SYT12: variants seen among roughly 807,000 people sequenced by gnomAD.
SYT12 encodes the protein synaptotagmin-12.
A neutral mutation model predicts 39.5 loss-of-function variants in SYT12; 27 were observed. The observed-to-expected ratio is 0.68, with a 90% CI of 0.50 to 0.94. The LOEUF is 0.94. SYT12 is among the 40% of genes least tolerant of loss of function. The probability of loss-of-function intolerance (pLI) is 0.00; values close to 1 mark genes in which losing one functional copy is unlikely to be tolerated. For synonymous variants in SYT12, 233 were observed against 239.7 expected, an observed-to-expected ratio of 0.97 and a Z score of 0.26; for missense variants, 536 against 572.6, an observed-to-expected ratio of 0.94 and a Z score of 0.65.
At chr11:67,016,621 G>A (rs186550783) in intron 3 of SYT12, among the ~76,000 whole-genome samples, 1 of 152,314 alleles carries the variant, frequency 6.6e-6, no homozygotes, top group Admixed American at 6.5e-5. Context: ...AGGTGGTCTT[G>A]TTCTGAAACC....
chr11:67,031,622 C>A (rs1950269287), intron 2 of SYT12: 3 of 152,256 alleles, frequency 2.0e-5, no homozygotes, highest in Admixed American at 1.3e-4. Flanking sequence ...CTAGACCCCA[C>A]TTCCAATATC....
At chr11:67,045,635 C>G (rs1384143339) in intron 6 of SYT12, 109 bp from the exon 7 acceptor site, 1 of 1,455,254 alleles carries the variant, frequency 6.9e-7, no homozygotes, top group South Asian at 1.3e-5. Context: ...CAGGAGGTCA[C>G]AGCAACAGTT....
At chr11:67,047,519 C>T (rs1854595951) in intron 7 of SYT12, among the ~76,000 whole-genome samples, 3 of 151,302 alleles carry the variant, frequency 2.0e-5, no homozygotes, top group South Asian at 2.1e-4. Context: ...CTGCCTGCCT[C>T]GGCCTCCCAA....
intron 3 of SYT12, among the ~76,000 whole-genome samples, chr11:67,036,672 A>G (rs767062901): frequency 2.2e-4 from 34 of 152,176 alleles, no homozygotes; most frequent in Non-Finnish European, 3.5e-4. Context: ...GTGGTGGCTC[A>G]CGCCCGTAAT....
At chr11:67,020,306 G>A (rs143965504), upstream of SYT12, among the ~76,000 whole-genome samples, 12 of 152,312 alleles carry the variant, frequency 7.9e-5, no homozygotes, top group East Asian at 2.3e-3. Context: ...AGAAGGCCCA[G>A]GAGGCAGGAG....
intron 2 of SYT12, among the ~76,000 whole-genome samples, chr11:67,034,103 A>G (rs936481365): frequency 1.9e-4 from 29 of 152,164 alleles, no homozygotes; most frequent in African/African-American, 7.0e-4. Flanking sequence ...TAAAGTGTAC[A>G]ATTTAATGGT....
intron 6 of SYT12, 22 bp downstream of exon 6, chr11:67,044,735 G>A (rs752880668): frequency 9.9e-6 from 16 of 1,612,878 alleles, no homozygotes; most frequent in Middle Eastern, 1.6e-4. Context: ...CCGGCAGCCC[G>A]GCTCCTCCAC....
At chr11:67,048,487 C>T in intron 7 of SYT12, 97 bp from the exon 8 acceptor site, 2 of 1,365,384 alleles carry the variant, frequency 1.5e-6, no homozygotes, top group Non-Finnish European at 2.0e-6. Flanking sequence ...GTGCCTGGCA[C>T]CCCACTGGGG....
intron 3 of SYT12, among the ~76,000 whole-genome samples, chr11:67,011,293 A>C (rs1950011543): frequency 6.6e-6 from 1 of 152,156 alleles, no homozygotes; most frequent in South Asian, 2.1e-4. Flanking sequence ...CCCAGGTTGG[A>C]ATGCAATGGC....
At position 67,048,764 on chromosome 11, in the gene SYT12, G is replaced by C. The variant is rs764615825; in HGVS notation, c.*7G>C. 1 of 1,588,944 alleles carries C rather than the reference G, an allele frequency of 6.3e-7. No individual in the cohort carries two copies. Among genetic ancestry groups the C allele is most frequent in the South Asian group, 1.1e-5 (1 of 90,566 alleles). On this transcript the variant is annotated 3_prime_UTR_variant, in exon 8 of 8. Transcript: ENST00000527043. ...CGCTGTCCGGCGAAACTAGCAACCA[G>C]GGCGGGCCAGTTGGGCAATGGAGCT...
intron 4 of SYT12, among the ~76,000 whole-genome samples, chr11:67,041,843 G>A (rs1950517792): frequency 6.6e-6 from 1 of 152,230 alleles, no homozygotes; most frequent in Non-Finnish European, 1.5e-5. Flanking sequence ...ACAGCCCATG[G>A]AGGTCAACTC....
upstream of SYT12, among the ~76,000 whole-genome samples, chr11:67,019,480 A>G (rs1157619745): frequency 1.3e-5 from 2 of 151,908 alleles, no homozygotes; most frequent in Non-Finnish European, 2.9e-5. Flanking sequence ...CTCAAAAAAA[A>G]AAAAAAATCA....
intron 3 of SYT12, among the ~76,000 whole-genome samples, chr11:67,035,668 A>AG (rs1325635479): frequency 1.3e-5 from 2 of 151,658 alleles, no homozygotes; most frequent in East Asian, 3.9e-4. Flanking sequence ...CATGTTAGCC[A>AG]GGATGGTCTC....
At chr11:67,012,959 G>T (rs1591349049) in intron 3 of SYT12, among the ~76,000 whole-genome samples, 1 of 152,084 alleles carries the variant, frequency 6.6e-6, no homozygotes, top group Middle Eastern at 3.4e-3. Flanking sequence ...CCTGGGGGGG[G>T]TCATCCTTTC....
intron 7 of SYT12, among the ~76,000 whole-genome samples, chr11:67,046,214 G>A (rs1313316164): frequency 2.0e-5 from 3 of 152,124 alleles, no homozygotes; most frequent in Non-Finnish European, 4.4e-5. Flanking sequence ...AGAGGAGCTG[G>A]GGTGAGCCAG....
intron 1 of SYT12, chr11:67,009,826 G>GT (rs1555058946): frequency 7.8e-5 from 12 of 153,694 alleles, no homozygotes; most frequent in Non-Finnish European, 1.0e-4. Flanking sequence ...TCATGGGAGA[G>GT]TTTTTTTTGT....
chr11:67,020,187 A>C (rs1250354539), upstream of SYT12, among the ~76,000 whole-genome samples: 1 of 152,166 alleles, frequency 6.6e-6, no homozygotes, highest in African/African-American at 2.4e-5. Context: ...TGTGATGCAC[A>C]GAAGACGGAG....
At chr11:67,016,137 C>T (rs2100304) in intron 3 of SYT12, among the ~76,000 whole-genome samples, 20 of 152,068 alleles carry the variant, frequency 1.3e-4, no homozygotes, top group Admixed American at 2.6e-4. Flanking sequence ...AAAAATTAGC[C>T]GGGAGTGGTG....
upstream of SYT12, among the ~76,000 whole-genome samples, chr11:67,018,393 CAT>C (rs1461327989): frequency 6.6e-6 from 1 of 151,754 alleles, no homozygotes; most frequent in African/African-American, 2.4e-5. Flanking sequence ...GGCATGGTGA[CAT>C]GTGCCTGTAG....
Sources: gnomAD v4.1 joint callset for allele counts (sites outside exome capture counted in the v4.1 genomes callset) on GRCh38, gnomAD v4.1.1 for gene constraint, MANE v1.5 for transcripts, NCBI Gene and HGNC (gene_info 2026-07-23, HGNC 2026-07-21) for gene names.